The following CTNNA2 variants were observed in gnomAD, a reference collection of about 807,000 sequenced individuals.
CTNNA2 encodes the protein catenin alpha 2.
In CTNNA2, 42 loss-of-function variants were observed where a neutral mutation model predicts 101.0. The ratio of observed to expected loss-of-function variants is 0.42; its 90% CI spans 0.32 to 0.54. CTNNA2 has a LOEUF of 0.54. CTNNA2 is among the 20% of genes least tolerant of loss of function. The probability of loss-of-function intolerance (pLI) is 0.14; values close to 1 mark genes in which losing one functional copy is unlikely to be tolerated. For synonymous variants in CTNNA2, 450 were observed against 456.4 expected, an observed-to-expected ratio of 0.99 and a Z score of 0.18; for missense variants, 871 against 1,223.1, an observed-to-expected ratio of 0.71 and a Z score of 4.29.
intron 9 of CTNNA2, among the ~76,000 whole-genome samples, chr2:80,426,938 T>TA (rs1481388560): frequency 6.6e-6 from 1 of 152,086 alleles, no homozygotes; most frequent in Non-Finnish European, 1.5e-5. Flanking sequence ...ATCAGTTCCT[T>TA]ACGTCTTTCA....
At chr2:80,359,569 C>A (rs1247908444) in intron 7 of CTNNA2, among the ~76,000 whole-genome samples, 1 of 152,118 alleles carries the variant, frequency 6.6e-6, no homozygotes, top group Non-Finnish European at 1.5e-5. Flanking sequence ...GCACCTGCCC[C>A]TCTTCCTCCT....
intron 3 of CTNNA2, among the ~76,000 whole-genome samples, chr2:79,765,309 T>C (rs1170397314): frequency 6.6e-6 from 1 of 152,166 alleles, no homozygotes; most frequent in Admixed American, 6.5e-5. Flanking sequence ...GTTACATTTC[T>C]AGAGACACAA....
intron 7 of CTNNA2, among the ~76,000 whole-genome samples, chr2:80,343,190 G>T (rs1375015932): frequency 3.3e-5 from 5 of 152,134 alleles, no homozygotes; most frequent in Non-Finnish European, 7.3e-5. Flanking sequence ...TTCAACATCA[G>T]TTGGAGAGAC....
chr2:79,434,295 C>CAAAAAA (rs367927495), intron 4 of CTNNA2, among the ~76,000 whole-genome samples: 2 of 95,468 alleles, frequency 2.1e-5, no homozygotes, highest in Admixed American at 1.1e-4. Context: ...GAGACTCTGT[C>CAAAAAA]AAAAAAAAAA....
intron 7 of CTNNA2, among the ~76,000 whole-genome samples, chr2:80,152,932 AG>A (rs1374488941): frequency 6.6e-6 from 1 of 152,212 alleles, no homozygotes; most frequent in African/African-American, 2.4e-5. Flanking sequence ...CTTCCCTTCA[AG>A]AACTTCAGCC....
chr2:80,226,251 G>C (rs191100493), intron 7 of CTNNA2, among the ~76,000 whole-genome samples: 1 of 152,302 alleles, frequency 6.6e-6, no homozygotes, highest in African/African-American at 2.4e-5. Context: ...TTCATTCTAT[G>C]TTCAATTAGA....
intron 2 of CTNNA2, among the ~76,000 whole-genome samples, chr2:79,288,021 C>G (rs1013951201): frequency 1.3e-5 from 2 of 152,248 alleles, no homozygotes; most frequent in Non-Finnish European, 2.9e-5. Context: ...CAGGTGCCGT[C>G]TGTCACCCCT....
At chr2:80,561,827 ATTTTTTTTTTT>A (rs368503035) in intron 12 of CTNNA2, among the ~76,000 whole-genome samples, 73 of 123,570 alleles carry the variant, frequency 5.9e-4, no homozygotes, top group African/African-American at 2.1e-3. Context: ...CGCCTGGCTA[ATTTTTTTTTTT>A]TTTTTTTTTG....
chr2:79,679,237 C>T (rs1439372940), intron 2 of CTNNA2, among the ~76,000 whole-genome samples: 1 of 152,090 alleles, frequency 6.6e-6, no homozygotes, highest in Admixed American at 6.5e-5. Context: ...TGTTTTACAC[C>T]TAGAAAATAA....
intron 18 of CTNNA2, among the ~76,000 whole-genome samples, chr2:80,642,110 A>G (rs534844966): frequency 6.6e-6 from 1 of 152,246 alleles, no homozygotes; most frequent in Admixed American, 6.5e-5. Flanking sequence ...GCACTTCAAC[A>G]TCCTTTATAT....
In CTNNA2 at chr2:79,740,932, A is replaced by G. The variant is rs536485842; in HGVS notation, c.103-3455A>G. On this transcript the variant is annotated intron_variant, in intron 2 of 18. Coordinates refer to ENST00000402739, the MANE Select transcript of CTNNA2 (RefSeq NM_001282597.3). ...GATGAATATGAACTTTCAGAATTTTAGGTGTAAATATAGGCATAGCTCAAG... is the reference window on the plus strand; with the variant it reads ...GATGAATATGAACTTTCAGAATTTTGGGTGTAAATATAGGCATAGCTCAAG... 6.6e-5 allele frequency among the ~76,000 whole-genome samples: 10 copies of G among 152,230 alleles called. No homozygotes were observed. In the South Asian group the frequency reaches 2.1e-3, roughly 32 times the overall value.
intron 3 of CTNNA2, among the ~76,000 whole-genome samples, chr2:79,762,161 G>A (rs1469283828): frequency 6.6e-6 from 1 of 152,058 alleles, no homozygotes; most frequent in Non-Finnish European, 1.5e-5. Context: ...ATATTTCTTG[G>A]AACCATATAT....
chr2:79,289,268 G>A (rs982713972), intron 2 of CTNNA2, among the ~76,000 whole-genome samples: 1 of 151,992 alleles, frequency 6.6e-6, no homozygotes, highest in Non-Finnish European at 1.5e-5. Context: ...AAGGATGTTA[G>A]TTTTTTTTCT....
At chr2:80,609,695 C>A (rs1047781197) in intron 17 of CTNNA2, among the ~76,000 whole-genome samples, 3 of 151,702 alleles carry the variant, frequency 2.0e-5, no homozygotes, top group African/African-American at 7.3e-5. Flanking sequence ...CTGTATATAG[C>A]CCCTGTGGAA....
At chr2:79,604,391 G>T (rs188923063) in intron 1 of CTNNA2, among the ~76,000 whole-genome samples, 37 of 152,322 alleles carry the variant, frequency 2.4e-4, no homozygotes, top group African/African-American at 8.7e-4. Context: ...CCATAATACT[G>T]CCCCAGCCTA....
intron 6 of CTNNA2, among the ~76,000 whole-genome samples, chr2:79,903,699 A>G (rs1685224828): frequency 6.6e-6 from 1 of 152,174 alleles, no homozygotes. Flanking sequence ...AAAGGAGAGC[A>G]GGAAAGAAAG....
At chr2:80,558,687 C>T (rs1200396826) in intron 12 of CTNNA2, among the ~76,000 whole-genome samples, 4 of 151,882 alleles carry the variant, frequency 2.6e-5, no homozygotes, top group African/African-American at 9.7e-5. Flanking sequence ...GTGAATCTAT[C>T]AAATTTTGTC....
intron 7 of CTNNA2, among the ~76,000 whole-genome samples, chr2:80,230,538 T>A (rs1052860697): frequency 3.3e-5 from 5 of 152,102 alleles, no homozygotes. Flanking sequence ...CAGTTTCTCA[T>A]CAAACAAATG....
chr2:79,474,605 G>A (rs1671032491), intron 4 of CTNNA2, among the ~76,000 whole-genome samples: 1 of 152,054 alleles, frequency 6.6e-6, no homozygotes, highest in Non-Finnish European at 1.5e-5. Context: ...TCTAAAGTAG[G>A]AAGAGTTATA....
Sources: gnomAD v4.1 joint callset for allele counts (sites outside exome capture counted in the v4.1 genomes callset) on GRCh38, gnomAD v4.1.1 for gene constraint, MANE v1.5 for transcripts, NCBI Gene and HGNC (gene_info 2026-07-23, HGNC 2026-07-21) for gene names.